The following MAN2B2 variants were observed in gnomAD, a reference collection of about 807,000 sequenced individuals.
MAN2B2 encodes epididymis-specific alpha-mannosidase.
A neutral mutation model predicts 117.1 loss-of-function variants in MAN2B2; 106 were observed. The ratio of observed to expected loss-of-function variants is 0.90; its 90% CI spans 0.77 to 1.06. The LOEUF is 1.06. MAN2B2 is among the 50% of genes least tolerant of loss of function. The pLI, the probability that MAN2B2 is intolerant of heterozygous loss-of-function variation, is 0.00. For synonymous variants in MAN2B2, 544 were observed against 595.1 expected (o/e 0.91, Z 1.25); for missense variants, 1,326 against 1,381.4 (o/e 0.96, Z 0.64).
chr4:6,622,217 G>C lies in MAN2B2; in HGVS notation c.*932G>C, dbSNP rs552929111. 1 of 152,334 alleles carries C rather than the reference G, an allele frequency of 6.6e-6. No individual in the cohort carries two copies. Among genetic ancestry groups the C allele is most frequent in the East Asian group, 1.9e-4 (1 of 5,190 alleles). The allele number at this position is 152,334 out of a possible 1,614,324, so 9.4% of individuals were successfully genotyped here. On this transcript the variant is annotated 3_prime_UTR_variant, in exon 19 of 19. Coordinates refer to ENST00000285599, the MANE Select transcript of MAN2B2 (RefSeq NM_015274.3). The stretch of plus-strand genomic sequence containing the variant: ...ATCACGAGTTTATGTGAAATGTCCA[G>C]AATAGGCAAATCTGTGTATCAGAGA...
chr4:6,602,328 A>T (rs1727365385), intron 10 of MAN2B2, among the ~76,000 whole-genome samples: 1 of 152,232 alleles, frequency 6.6e-6, no homozygotes, highest in Non-Finnish European at 1.5e-5. Context: ...CAGGAAGTCC[A>T]AGATCAAGGT....
chr4:6,620,284 C>A (rs995325661), intron 18 of MAN2B2: 4 of 444,878 alleles, frequency 9.0e-6, no homozygotes, highest in South Asian at 2.3e-5. Flanking sequence ...TACGTGTGCA[C>A]ACGCAGACCA....
rs781406160 is a variant in MAN2B2 at position 6,594,641 on chromosome 4, T to C, written c.966T>C (p.Tyr322=). 6.2e-7 allele frequency: 1 copy of C among 1,613,710 alleles called. No individual in the cohort carries two copies. Among genetic ancestry groups the C allele is most frequent in the Non-Finnish European group, 8.5e-7 (1 of 1,180,030 alleles). The change falls in exon 7 of 19, where the codon TAT becomes TAC. Residue 322 remains tyrosine, a synonymous_variant. Transcript: ENST00000285599. ...HAAELGVSVQ[Y]ATLGDYFRAL... The stretch of plus-strand genomic sequence containing the variant: ...CCGAGCTCGGTGTCTCGGTGCAGTA[T>C]GCCACGCTGGGCGACTACTTCCGTG...
At chr4:6,586,762 T>C (rs961123194) in intron 3 of MAN2B2, among the ~76,000 whole-genome samples, 2 of 152,234 alleles carry the variant, frequency 1.3e-5, no homozygotes, top group African/African-American at 4.8e-5. Context: ...GTAGTAACAC[T>C]ACTTAACTAT....
In MAN2B2 at chr4:6,609,928, C is replaced by T. The variant is rs145556384; in HGVS notation, c.2137C>T (p.Arg713Cys). The T allele has an allele frequency of 9.9e-6, 16 of 1,614,060 alleles. No individual in the cohort carries two copies. The highest frequency in any genetic ancestry group is 4.0e-5 in the African/African-American group (3 of 74,942). Residue 713 changes from arginine to cysteine, a missense_variant, in exon 13 of 19, where the codon CGT becomes TGT. By Grantham distance (180) the Arg-to-Cys change is radical. Transcript: ENST00000285599. ...CCAAGCCGGCCCCCTGGAGCTGAAC[C>T]GTGAGGCTGTCCTGAGGACCAGCAC... ...EYQAGPLELN[R>C]EAVLRTSTNL...
Position 6,605,277 on chromosome 4 carries a change from T to C in MAN2B2, c.1762T>C (p.Tyr588His), listed in dbSNP as rs772011347. Residue 588 changes from tyrosine (Y) to histidine (H), a missense_variant, in exon 11 of 19, where the codon TAC (tyrosine) becomes CAC (histidine). Physicochemically the swap from Tyr to His is moderately conservative, Grantham distance 83 (BLOSUM62 2). Transcript: ENST00000285599. ...CTTGGTGCCTGTGGCAAACGACTGCTACATTGTGCTGCTCGACCAGGATAC... is the reference window on the plus strand; with the variant it reads ...CTTGGTGCCTGTGGCAAACGACTGCCACATTGTGCTGCTCGACCAGGATAC... ...RYLVPVANDC[Y>H]IVLLDQDTNL... 2.5e-6 allele frequency: 4 copies of C among 1,614,110 alleles called. No homozygotes were observed. Among genetic ancestry groups the C allele is most frequent in the Non-Finnish European group, 3.4e-6 (4 of 1,179,958 alleles).
intron 3 of MAN2B2, among the ~76,000 whole-genome samples, chr4:6,579,786 C>A (rs1726359211): frequency 6.6e-6 from 1 of 152,228 alleles, no homozygotes. Flanking sequence ...CCACTGTCCT[C>A]AGCACCATCA....
intron 16 of MAN2B2, 66 bp downstream of exon 16, chr4:6,614,421 C>T: frequency 1.3e-6 from 2 of 1,575,122 alleles, no homozygotes; most frequent in Non-Finnish European, 1.7e-6. Context: ...GCCACCGGGC[C>T]CACCACCAGA....
intron 11 of MAN2B2, among the ~76,000 whole-genome samples, chr4:6,607,369 G>A (rs1240118662): frequency 6.6e-6 from 1 of 152,086 alleles, no homozygotes; most frequent in Non-Finnish European, 1.5e-5. Flanking sequence ...ACCACACCCA[G>A]CTAATTTTTG....
Position 6,611,066 on chromosome 4 carries a change from C to A in MAN2B2, c.2371-20C>A, listed in dbSNP as rs370014242. ...ATGCCCAGGTGCAAGCCGGGCCTCT[C>A]GGACAATGCCTTCCCGCAGGTCATG... On this transcript the variant is annotated intron_variant, in intron 14 of 18. Coordinates refer to ENST00000285599, the MANE Select transcript of MAN2B2 (RefSeq NM_015274.3). The A allele has an allele frequency of 6.2e-7, 1 of 1,611,840 alleles. No homozygotes were observed. Among genetic ancestry groups the A allele is most frequent in the South Asian group, 1.1e-5 (1 of 91,016 alleles).
At chr4:6,590,690 G>C (rs1726821752) in intron 5 of MAN2B2, among the ~76,000 whole-genome samples, 1 of 152,204 alleles carries the variant, frequency 6.6e-6, no homozygotes, top group African/African-American at 2.4e-5. Flanking sequence ...TGCAGGTGCA[G>C]GGATAGGGGT....
chr4:6,598,620 C>T (rs1727203483), intron 9 of MAN2B2, among the ~76,000 whole-genome samples: 1 of 152,202 alleles, frequency 6.6e-6, no homozygotes, highest in Non-Finnish European at 1.5e-5. Context: ...GCTCAAAATA[C>T]CCTTCATGCA....
chr4:6,581,147 G>A (rs1457113795), intron 3 of MAN2B2, among the ~76,000 whole-genome samples: 7 of 152,124 alleles, frequency 4.6e-5, no homozygotes, highest in South Asian at 2.1e-4. Context: ...TTGTAGAGAA[G>A]TTTGAGGCTC....
chr4:6,621,489 C>A lies in MAN2B2; in HGVS notation c.*204C>A. ...TTACATTACAAGATCCAGGTTCTTC[C>A]CCCCCACACTCAATCAAGCCAGCCC... On this transcript the variant is annotated 3_prime_UTR_variant, in exon 19 of 19. Coordinates refer to ENST00000285599, the MANE Select transcript of MAN2B2 (RefSeq NM_015274.3). 1 of 546,680 alleles carries A rather than the reference C, an allele frequency of 1.8e-6. No individual in the cohort carries two copies. Among genetic ancestry groups the A allele is most frequent in the Non-Finnish European group, 3.3e-6 (1 of 305,952 alleles). The allele number at this position is 546,680 out of a possible 1,614,324, so 33.9% of individuals were successfully genotyped here. A position where few individuals can be genotyped will look rare whatever the true frequency, so the allele number is the denominator to read the frequency against.
chr4:6,610,453 G>A lies in MAN2B2; in HGVS notation c.2259+403G>A, dbSNP rs556133318. Among the ~76,000 whole-genome samples, 75 of 152,278 alleles carry A rather than the reference G, an allele frequency of 4.9e-4. 1 individual carries two copies. Among genetic ancestry groups the A allele is most frequent in the East Asian group, 3.9e-4 (2 of 5,182 alleles). On this transcript the variant is annotated intron_variant, in intron 13 of 18. Transcript: ENST00000285599. ...ATTACAGGTGTGAGCCACCGCGCCCGGCCTCCAGAGAGAATTCTTTTAAAG... is the reference window on the plus strand; with the variant it reads ...ATTACAGGTGTGAGCCACCGCGCCCAGCCTCCAGAGAGAATTCTTTTAAAG...
At chr4:6,591,517 T>C (rs1336641434) in intron 5 of MAN2B2, among the ~76,000 whole-genome samples, 1 of 152,160 alleles carries the variant, frequency 6.6e-6, no homozygotes, top group Non-Finnish European at 1.5e-5. Context: ...TTGAATAATT[T>C]CACCAGCTGG....
At chr4:6,614,427 C>T (rs2108758261) in intron 16 of MAN2B2, 72 bp downstream of exon 16, 1 of 1,557,094 alleles carries the variant, frequency 6.4e-7, no homozygotes, top group Non-Finnish European at 8.8e-7. Flanking sequence ...GGGCCCACCA[C>T]CAGACAGGGG....
At chr4:6,587,261 GAA>G in intron 4 of MAN2B2, 93 bp downstream of exon 4, 1 of 1,444,596 alleles carries the variant, frequency 6.9e-7, no homozygotes. Flanking sequence ...GCTCTATGCC[GAA>G]GTGTTCGGAA....
chr4:6,601,337 C>CT (rs1347138406), intron 10 of MAN2B2, among the ~76,000 whole-genome samples: 1 of 152,116 alleles, frequency 6.6e-6, no homozygotes, highest in Non-Finnish European at 1.5e-5. Flanking sequence ...AACCTCGTCT[C>CT]TAACTAAAAG....
Sources: allele counts gnomAD v4.1 joint callset (sites outside exome capture counted in the v4.1 genomes callset), GRCh38; gene constraint gnomAD v4.1.1; transcripts MANE v1.5; gene names NCBI Gene and HGNC (gene_info 2026-07-23, HGNC 2026-07-21).